The following PRDM11 variants were observed in gnomAD, a reference collection of about 807,000 sequenced individuals.
PRDM11 encodes the protein PR domain-containing protein 11.
In PRDM11, 20 loss-of-function variants were observed where a neutral mutation model predicts 97.8. The ratio of observed to expected loss-of-function variants is 0.20; its 90% CI spans 0.14 to 0.30. The LOEUF (loss-of-function observed/expected upper bound fraction) is 0.30, where lower values mean the gene tolerates loss of function less well. Ranked by LOEUF, PRDM11 falls within the 10% of genes least tolerant of loss-of-function variation. PRDM11 has a pLI of 1.00. For missense variants in PRDM11, 1,139 were observed against 1,555.2 expected, an observed-to-expected ratio of 0.73 and a Z score of 4.50; for synonymous variants, 599 against 637.7, an observed-to-expected ratio of 0.94 and a Z score of 0.91.
intron 1 of PRDM11, among the ~76,000 whole-genome samples, chr11:45,131,635 C>T (rs548030517): frequency 6.6e-6 from 1 of 152,308 alleles, no homozygotes; most frequent in African/African-American, 2.4e-5. Flanking sequence ...ATGTTGAATA[C>T]AGTGCAGCCA....
At chr11:45,213,096 C>A in intron 5 of PRDM11, 1 of 454,478 alleles carries the variant, frequency 2.2e-6, no homozygotes, top group Non-Finnish European at 4.4e-6. Context: ...TGTCTGGCCT[C>A]ACAACAGGGG....
intron 1 of PRDM11, 80 bp from the exon 2 acceptor site, chr11:45,181,680 AC>A: frequency 2.5e-6 from 3 of 1,198,582 alleles, no homozygotes; most frequent in Non-Finnish European, 3.6e-6. Flanking sequence ...CGAGACCCCC[AC>A]TTGCCCTCTC....
intron 1 of PRDM11, among the ~76,000 whole-genome samples, chr11:45,165,130 C>T (rs568497262): frequency 6.6e-6 from 1 of 152,284 alleles, no homozygotes; most frequent in African/African-American, 2.4e-5. Context: ...GGATTCTCAT[C>T]CAGGGAGTCC....
chr11:45,133,373 C>T (rs1852762889), intron 1 of PRDM11, among the ~76,000 whole-genome samples: 1 of 152,158 alleles, frequency 6.6e-6, no homozygotes, highest in African/African-American at 2.4e-5. Context: ...CCCTATTGTC[C>T]ACTTTCTCTT....
upstream of PRDM11, among the ~76,000 whole-genome samples, chr11:45,145,038 TACTC>T (rs968579339): frequency 6.7e-6 from 1 of 148,904 alleles, no homozygotes; most frequent in Non-Finnish European, 1.5e-5. Context: ...AGCAGAGAAA[TACTC>T]AGGAAACTTA....
chr11:45,223,152 C>T (rs1201537717), intron 6 of PRDM11, among the ~76,000 whole-genome samples: 1 of 152,140 alleles, frequency 6.6e-6, no homozygotes, highest in Non-Finnish European at 1.5e-5. Flanking sequence ...CCTATCTCCA[C>T]AAAAAGTACA....
chr11:45,126,522 G>A (rs1027848743), intron 1 of PRDM11, among the ~76,000 whole-genome samples: 20 of 151,996 alleles, frequency 1.3e-4, no homozygotes, highest in African/African-American at 1.9e-4. Flanking sequence ...GCTCTTTTAC[G>A]GCAGGCCTGG....
At chr11:45,206,999 C>G (rs1230606362) in intron 5 of PRDM11, among the ~76,000 whole-genome samples, 1 of 152,204 alleles carries the variant, frequency 6.6e-6, no homozygotes. Context: ...TGCCACCTTG[C>G]TAGCATGGTT....
chr11:45,126,430 C>A (rs1189068882), intron 1 of PRDM11, among the ~76,000 whole-genome samples: 3 of 151,964 alleles, frequency 2.0e-5, no homozygotes, highest in East Asian at 1.9e-4. Context: ...TCTTCCTAGC[C>A]TTGATGGTCT....
At chr11:45,182,189 G>T in intron 2 of PRDM11, 57 bp from the exon 3 acceptor site, 1 of 1,502,938 alleles carries the variant, frequency 6.7e-7, no homozygotes, top group Non-Finnish European at 9.2e-7. Context: ...TGTCCCCACT[G>T]GGCTCTCACT....
intron 1 of PRDM11, among the ~76,000 whole-genome samples, chr11:45,109,613 A>G (rs1469896578): frequency 6.6e-6 from 1 of 152,200 alleles, no homozygotes; most frequent in African/African-American, 2.4e-5. Flanking sequence ...CTGGGCCACA[A>G]CCAAGACTGA....
At chr11:45,095,666 A>C, upstream of PRDM11, 1 of 616,218 alleles carries the variant, frequency 1.6e-6, no homozygotes, top group Non-Finnish European at 2.9e-6. Context: ...ATAGAACTGC[A>C]ACCCCTGGGA....
chr11:45,119,650 C>CAAAAAAAAAAAAAAAAAAAA (rs1565235260), intron 1 of PRDM11, among the ~76,000 whole-genome samples: 1 of 87,628 alleles, frequency 1.1e-5, no homozygotes, highest in African/African-American at 4.7e-5. Flanking sequence ...AAAAAAAAAA[C>CAAAAAAAAAAAAAAAAAAAA]ACCTGGTAAG....
At chr11:45,178,901 A>G (rs1404415540) in intron 1 of PRDM11, among the ~76,000 whole-genome samples, 1 of 152,210 alleles carries the variant, frequency 6.6e-6, no homozygotes, top group East Asian at 1.9e-4. Flanking sequence ...CTTACAGTCT[A>G]TTAAGGGAAA....
At chr11:45,118,350 G>A (rs748364113) in intron 1 of PRDM11, among the ~76,000 whole-genome samples, 1 of 151,506 alleles carries the variant, frequency 6.6e-6, no homozygotes, top group Non-Finnish European at 1.5e-5. Flanking sequence ...TAGGATAATA[G>A]TTAGGAGAAA....
At chr11:45,186,843 C>CA (rs1852722947) in intron 4 of PRDM11, among the ~76,000 whole-genome samples, 1 of 152,212 alleles carries the variant, frequency 6.6e-6, no homozygotes, top group Non-Finnish European at 1.5e-5. Context: ...ACAGGACTCC[C>CA]ACAGCTGGTC....
chr11:45,111,952 A>G (rs1852191491), intron 1 of PRDM11, among the ~76,000 whole-genome samples: 1 of 93,282 alleles, frequency 1.1e-5, no homozygotes, highest in Admixed American at 1.2e-4. Context: ...TTTTAGCTTT[A>G]ATTTTTATTG....
At position 45,135,001 on chromosome 11, in the gene PRDM11, C is replaced by T. The variant is rs1472751838; in HGVS notation, c.96+39100C>T. On this transcript the variant is annotated intron_variant, in intron 1 of 6. Transcript: ENST00000530656. Reference sequence around the variant, plus strand: ...GGCATTGGTAAAAATTCCATTTTAGCTGGGCACAGTGGCACACAGTTGTAG... The same window carrying T: ...GGCATTGGTAAAAATTCCATTTTAGTTGGGCACAGTGGCACACAGTTGTAG... Among the ~76,000 whole-genome samples, 5 of 152,008 alleles carry T rather than the reference C, an allele frequency of 3.3e-5. No individual in the cohort carries two copies. The East Asian group carries it at 9.7e-4, about 29-fold the overall frequency.
In PRDM11 at chr11:45,226,395, C is replaced by A; in HGVS notation, c.1770C>A (p.Thr590=). The change falls in exon 8 of 8, where the codon ACC becomes ACA. Residue 590 remains threonine, a synonymous_variant. Coordinates refer to ENST00000683152, the MANE Select transcript of PRDM11 (RefSeq NM_001384648.1). ...EKTEEMCRNM[T]LLFNTAYHLA... ...CAGAGGAGATGTGTCGCAACATGAC[C>A]CTGCTCTTCAACACCGCCTACCACC... is the stretch of plus-strand genomic sequence containing the variant. 3 of 1,533,994 alleles carry A rather than the reference C, an allele frequency of 2.0e-6. No homozygotes were observed. The highest frequency in any genetic ancestry group is 2.6e-6 in the Non-Finnish European group (3 of 1,146,750).
Sources: allele counts gnomAD v4.1 joint callset (sites outside exome capture counted in the v4.1 genomes callset), GRCh38; gene constraint gnomAD v4.1.1; transcripts MANE v1.5; gene names NCBI Gene and HGNC (gene_info 2026-07-23, HGNC 2026-07-21).